The following USP10 variants were observed in gnomAD, a reference collection of about 807,000 sequenced individuals.
The protein encoded by USP10 is ubiquitin carboxyl-terminal hydrolase 10.
USP10 carries 22 observed loss-of-function variants against 84.5 expected under a neutral mutation model. That is an observed-to-expected ratio of 0.26 (90% CI 0.19 to 0.37). USP10 has a LOEUF of 0.37. USP10 is among the 10% of genes least tolerant of loss of function. USP10 has a pLI of 1.00. For synonymous variants in USP10, 454 were observed against 387.6 expected, an observed-to-expected ratio of 1.17 and a Z score of -2.01; for missense variants, 1,019 against 998.9, an observed-to-expected ratio of 1.02 and a Z score of -0.27.
chr16:84,766,914 A>G (rs1913928839), intron 10 of USP10, among the ~76,000 whole-genome samples: 1 of 152,162 alleles, frequency 6.6e-6, no homozygotes, highest in African/African-American at 2.4e-5. Context: ...GCCTCTTCAG[A>G]TGTTTTTCAG....
chr16:84,709,757 T>C (rs1480430336), intron 1 of USP10, among the ~76,000 whole-genome samples: 1 of 152,074 alleles, frequency 6.6e-6, no homozygotes. Context: ...ACATTTGAGC[T>C]GGAGTTTTTC....
At chr16:84,740,278 A>G (rs374554606) in intron 2 of USP10, 31 bp from the exon 3 acceptor site, 44 of 1,596,360 alleles carry the variant, frequency 2.8e-5, no homozygotes, top group Non-Finnish European at 3.8e-5. Context: ...ATTTTGTTGA[A>G]TTAAAATTTG....
rs1444680302 is a variant in USP10 at position 84,744,416 on chromosome 16, A to G, written c.152-217A>G. ...CTGAAAGCCTTCCTTAGCTAGAAAG[A>G]TAAGTACAGGCTTCTGCTTTTCATA... On this transcript the variant is annotated intron_variant, in intron 3 of 13. Coordinates refer to ENST00000219473, the MANE Select transcript of USP10 (RefSeq NM_005153.3). Among the ~76,000 whole-genome samples the G allele has an allele frequency of 2.0e-5, 3 of 152,334 alleles. No homozygotes were observed. In the East Asian group the frequency reaches 5.8e-4, roughly 29 times the overall value.
chr16:84,763,886 C>T (rs570424651), intron 9 of USP10, among the ~76,000 whole-genome samples, 200 bp from the exon 10 acceptor site: 12 of 151,148 alleles, frequency 7.9e-5, no homozygotes, highest in African/African-American at 2.4e-4. Context: ...GATTGGTTGC[C>T]GTGGATCCAG....
chr16:84,740,436 C>T, intron 3 of USP10, 67 bp downstream of exon 3: 1 of 1,285,316 alleles, frequency 7.8e-7, no homozygotes. Context: ...GGCAGGCTAC[C>T]TGTAAACATT....
intron 1 of USP10, among the ~76,000 whole-genome samples, chr16:84,725,655 C>T (rs1908368896): frequency 6.6e-6 from 1 of 152,142 alleles, no homozygotes; most frequent in Non-Finnish European, 1.5e-5. Flanking sequence ...CCACCCGCCT[C>T]GGCCCCCCAG....
intron 2 of USP10, 76 bp downstream of exon 2, chr16:84,733,579 T>C: frequency 8.6e-7 from 1 of 1,157,638 alleles, no homozygotes; most frequent in Non-Finnish European, 1.2e-6. Context: ...AATTTGTTTT[T>C]TTAAATAAAG....
chr16:84,741,300 T>G (rs531538354), intron 3 of USP10, among the ~76,000 whole-genome samples: 1 of 152,154 alleles, frequency 6.6e-6, no homozygotes, highest in African/African-American at 2.4e-5. Flanking sequence ...AACAATAGCT[T>G]AGGACAAGTA....
intron 1 of USP10, among the ~76,000 whole-genome samples, chr16:84,708,276 C>G (rs1323587133): frequency 1.3e-5 from 2 of 152,050 alleles, no homozygotes; most frequent in Non-Finnish European, 2.9e-5. Context: ...ATGGTAAAAC[C>G]TCATCTCTGC....
At chr16:84,705,581 C>T (rs769344332) in intron 1 of USP10, among the ~76,000 whole-genome samples, 5 of 151,724 alleles carry the variant, frequency 3.3e-5, no homozygotes, top group East Asian at 1.9e-4. Flanking sequence ...CTCCTCCCTC[C>T]GTCCCTTTCC....
At chr16:84,702,850 G>A (rs1245055835) in intron 1 of USP10, among the ~76,000 whole-genome samples, 2 of 151,782 alleles carry the variant, frequency 1.3e-5, no homozygotes, top group Non-Finnish European at 2.9e-5. Flanking sequence ...AAAATTAGCC[G>A]AGTGTGGTGA....
intron 3 of USP10, among the ~76,000 whole-genome samples, chr16:84,741,139 A>C (rs553898690): frequency 6.6e-6 from 1 of 152,342 alleles, no homozygotes; most frequent in South Asian, 2.1e-4. Context: ...GGTCAGACTT[A>C]TGAAAGGGGT....
At chr16:84,765,431 C>T (rs377188278) in intron 10 of USP10, among the ~76,000 whole-genome samples, 2 of 151,606 alleles carry the variant, frequency 1.3e-5, no homozygotes, top group Non-Finnish European at 2.9e-5. Flanking sequence ...CATTCCCACT[C>T]GCCACCCCTA....
intron 4 of USP10, among the ~76,000 whole-genome samples, chr16:84,750,341 G>A (rs1177686315): frequency 6.6e-6 from 1 of 151,606 alleles, no homozygotes; most frequent in African/African-American, 2.4e-5. Flanking sequence ...CGGGGAGGTG[G>A]AGGTTCAGTG....
chr16:84,713,793 A>G (rs1447873067), intron 1 of USP10, among the ~76,000 whole-genome samples: 1 of 152,222 alleles, frequency 6.6e-6, no homozygotes, highest in Non-Finnish European at 1.5e-5. Flanking sequence ...AAAATAGTTC[A>G]CAAAGATGAG....
intron 1 of USP10, among the ~76,000 whole-genome samples, chr16:84,701,191 A>G (rs1904817877): frequency 6.6e-6 from 1 of 152,230 alleles, no homozygotes; most frequent in African/African-American, 2.4e-5. Flanking sequence ...CTTTTGAAAC[A>G]TGATTTTCGG....
At chr16:84,723,052 G>A (rs889797379) in intron 1 of USP10, among the ~76,000 whole-genome samples, 3 of 152,064 alleles carry the variant, frequency 2.0e-5, no homozygotes, top group African/African-American at 4.8e-5. Context: ...ACTGGAAACC[G>A]GTGGTCTTAT....
At chr16:84,717,866 A>G (rs1013947077) in intron 1 of USP10, among the ~76,000 whole-genome samples, 8 of 152,194 alleles carry the variant, frequency 5.3e-5, no homozygotes, top group African/African-American at 1.9e-4. Flanking sequence ...TAATTCATTC[A>G]GTTGCTATTC....
chr16:84,729,453 G>C (rs1209908531), intron 1 of USP10, among the ~76,000 whole-genome samples: 2 of 152,178 alleles, frequency 1.3e-5, no homozygotes, highest in South Asian at 2.1e-4. Flanking sequence ...GGTTGTATCA[G>C]AATTCCTGCT....
Sources: allele counts gnomAD v4.1 joint callset (sites outside exome capture counted in the v4.1 genomes callset), GRCh38; gene constraint gnomAD v4.1.1; transcripts MANE v1.5; gene names NCBI Gene and HGNC (gene_info 2026-07-23, HGNC 2026-07-21).